The following SGCZ variants were observed in gnomAD, a reference collection of about 807,000 sequenced individuals.
The protein encoded by SGCZ is sarcoglycan zeta.
Under a neutral mutation model 41.3 loss-of-function variants are expected in SGCZ, and 40 were observed. That is an observed-to-expected ratio of 0.97 (90% confidence interval 0.75 to 1.26). SGCZ has a LOEUF of 1.26. Ranked by LOEUF, SGCZ falls within the 50% of genes most tolerant of loss-of-function variation. The pLI, the probability that SGCZ is intolerant of heterozygous loss-of-function variation, is 0.00. For synonymous variants in SGCZ, 206 were observed against 137.5 expected (o/e 1.50, Z -3.49); for missense variants, 552 against 369.8 (o/e 1.49, Z -4.04).
intron 2 of SGCZ, among the ~76,000 whole-genome samples, chr8:14,343,745 A>G (rs1345106706): frequency 6.6e-6 from 1 of 152,150 alleles, no homozygotes; most frequent in Admixed American, 6.5e-5. Context: ...GTCATCGCCA[A>G]CCTTAATTTT....
chr8:14,266,653 G>C (rs1799877326), intron 3 of SGCZ, among the ~76,000 whole-genome samples: 1 of 152,072 alleles, frequency 6.6e-6, no homozygotes, highest in African/African-American at 2.4e-5. Context: ...GAAATCGTTA[G>C]GGACCTGATG....
chr8:15,060,947 C>G (rs1303688993), intron 1 of SGCZ, among the ~76,000 whole-genome samples: 1 of 152,088 alleles, frequency 6.6e-6, no homozygotes, highest in Non-Finnish European at 1.5e-5. Context: ...AGGGATCAGC[C>G]AGAAATTTGG....
At chr8:14,445,882 C>T (rs950402962) in intron 2 of SGCZ, among the ~76,000 whole-genome samples, 1 of 152,118 alleles carries the variant, frequency 6.6e-6, no homozygotes, top group African/African-American at 2.4e-5. Context: ...CAGCTGGATC[C>T]TGCACTCACT....
chr8:14,627,474 C>G (rs1806499927), intron 1 of SGCZ, among the ~76,000 whole-genome samples: 1 of 152,040 alleles, frequency 6.6e-6, no homozygotes, highest in South Asian at 2.1e-4. Context: ...GTGGATTTTC[C>G]ACTGTCCTAT....
At chr8:14,583,031 G>A (rs1244833196) in intron 1 of SGCZ, among the ~76,000 whole-genome samples, 1 of 150,748 alleles carries the variant, frequency 6.6e-6, no homozygotes, top group South Asian at 2.1e-4. Context: ...CCCAGTAATG[G>A]GATGGCTGGG....
At chr8:14,973,787 A>G (rs977567832) in intron 1 of SGCZ, among the ~76,000 whole-genome samples, 3 of 152,154 alleles carry the variant, frequency 2.0e-5, no homozygotes, top group African/African-American at 7.2e-5. Flanking sequence ...AGTCCTCTTT[A>G]TTTGCCTGTG....
intron 1 of SGCZ, among the ~76,000 whole-genome samples, chr8:15,029,854 T>G (rs1803594228): frequency 6.6e-6 from 1 of 152,154 alleles, no homozygotes; most frequent in Admixed American, 6.5e-5. Flanking sequence ...CATGAGATGA[T>G]TATAATAGAT....
chr8:14,786,947 G>C (rs1002888505), intron 1 of SGCZ, among the ~76,000 whole-genome samples: 2 of 151,838 alleles, frequency 1.3e-5, no homozygotes, highest in African/African-American at 2.4e-5. Flanking sequence ...GTAGAAAATA[G>C]ATGTACCTGG....
At chr8:14,569,477 T>A (rs1804483872) in intron 1 of SGCZ, among the ~76,000 whole-genome samples, 1 of 152,230 alleles carries the variant, frequency 6.6e-6, no homozygotes, top group South Asian at 2.1e-4. Flanking sequence ...AAATATCATG[T>A]TTATTTATGT....
intron 1 of SGCZ, among the ~76,000 whole-genome samples, chr8:14,638,386 C>T (rs578102931): frequency 1.3e-5 from 2 of 151,922 alleles, no homozygotes; most frequent in Admixed American, 1.3e-4. Context: ...TCCTTGCTCA[C>T]AAATTGGAAT....
chr8:14,719,875 A>G (rs1257051900), intron 1 of SGCZ, among the ~76,000 whole-genome samples: 1 of 151,832 alleles, frequency 6.6e-6, no homozygotes, highest in Admixed American at 6.6e-5. Context: ...CCCATTTGTC[A>G]ATTTTGGCTT....
At chr8:14,127,082 A>C (rs1032640937) in intron 5 of SGCZ, among the ~76,000 whole-genome samples, 1 of 152,146 alleles carries the variant, frequency 6.6e-6, no homozygotes, top group African/African-American at 2.4e-5. Context: ...TGGCTTACCT[A>C]TGTAAGGTAA....
At chr8:14,747,258 T>C (rs953756311) in intron 1 of SGCZ, among the ~76,000 whole-genome samples, 1 of 152,102 alleles carries the variant, frequency 6.6e-6, no homozygotes, top group Non-Finnish European at 1.5e-5. Flanking sequence ...TGAATACCCA[T>C]CTCGTCTCCT....
intron 1 of SGCZ, among the ~76,000 whole-genome samples, chr8:14,756,811 T>C (rs1053412137): frequency 6.6e-6 from 1 of 152,226 alleles, no homozygotes; most frequent in East Asian, 1.9e-4. Flanking sequence ...TCTAGGATTG[T>C]TCTGATGTCA....
chr8:14,231,225 G>A (rs1353764519), intron 4 of SGCZ, among the ~76,000 whole-genome samples: 11 of 150,728 alleles, frequency 7.3e-5, no homozygotes, highest in African/African-American at 2.7e-4. Context: ...GAAAGAGAGA[G>A]AGAGACAGAG....
At chr8:15,022,059 G>A (rs1803271814) in intron 1 of SGCZ, among the ~76,000 whole-genome samples, 1 of 152,166 alleles carries the variant, frequency 6.6e-6, no homozygotes, top group African/African-American at 2.4e-5. Flanking sequence ...TTCTGGTACT[G>A]CACATGCAAT....
At chr8:14,742,877 A>G (rs1799234297) in intron 1 of SGCZ, among the ~76,000 whole-genome samples, 1 of 152,094 alleles carries the variant, frequency 6.6e-6, no homozygotes, top group Non-Finnish European at 1.5e-5. Context: ...CTGCTTAGTA[A>G]TAGGAATAAA....
intron 2 of SGCZ, among the ~76,000 whole-genome samples, chr8:14,513,753 T>G (rs1338993837): frequency 6.6e-6 from 1 of 152,150 alleles, no homozygotes; most frequent in Non-Finnish European, 1.5e-5. Flanking sequence ...TTCTTCTTGT[T>G]TGGCAACGTA....
intron 2 of SGCZ, among the ~76,000 whole-genome samples, chr8:14,458,928 C>T (rs911392001): frequency 1.3e-5 from 2 of 152,006 alleles, no homozygotes; most frequent in Non-Finnish European, 1.5e-5. Context: ...ATGAGATGAG[C>T]CTCGAAATTA....
Sources: gnomAD v4.1 joint callset for allele counts (sites outside exome capture counted in the v4.1 genomes callset) on GRCh38, gnomAD v4.1.1 for gene constraint, MANE v1.5 for transcripts, NCBI Gene and HGNC (gene_info 2026-07-23, HGNC 2026-07-21) for gene names.